Variants in IGSF11 observed in about 807,000 individuals in gnomAD.
The protein encoded by IGSF11 is immunoglobulin superfamily member 11.
In IGSF11, 22 loss-of-function variants were observed where a neutral mutation model predicts 41.0. That is an observed-to-expected ratio of 0.54 (90% CI 0.38 to 0.77). IGSF11 has a LOEUF of 0.77. IGSF11 is among the 30% of genes least tolerant of loss of function. IGSF11 has a pLI of 0.00. For missense variants in IGSF11, 444 were observed against 530.8 expected, an observed-to-expected ratio of 0.84 and a Z score of 1.61; for synonymous variants, 219 against 201.3, an observed-to-expected ratio of 1.09 and a Z score of -0.74.
chr3:119,140,724 C>T (rs368117189), intron 1 of IGSF11, among the ~76,000 whole-genome samples: 1 of 152,088 alleles, frequency 6.6e-6, no homozygotes, highest in South Asian at 2.1e-4. Context: ...TACCATAAAA[C>T]AAGCCTCAGT....
chr3:119,055,640 C>T (rs574965037), intron 1 of IGSF11, among the ~76,000 whole-genome samples: 2 of 152,344 alleles, frequency 1.3e-5, no homozygotes, highest in East Asian at 3.9e-4. Flanking sequence ...ATCTACAGAA[C>T]TCTCCACCCT....
intron 4 of IGSF11, among the ~76,000 whole-genome samples, chr3:118,925,234 C>T (rs566137008): frequency 6.6e-6 from 1 of 152,188 alleles, no homozygotes; most frequent in South Asian, 2.1e-4. Context: ...AATAATTTTA[C>T]TACAACTTAG....
rs1467789152 is a variant in IGSF11 at position 119,026,606 on chromosome 3, T to C, written c.52+7925A>G. 1.4e-4 allele frequency among the ~76,000 whole-genome samples: 21 copies of C among 150,400 alleles called. 1 individual carries two copies. Among genetic ancestry groups the C allele is most frequent in the Admixed American group, 1.4e-3 (21 of 15,064 alleles). On this transcript the variant is annotated intron_variant, in intron 1 of 6. Transcript: ENST00000393775. Reference sequence around the variant, plus strand: ...GTCTTCGCCATTATGTAGTCACAGTTAAAAAAAAAATCCAGTTTCATTAAA... The same window carrying C: ...GTCTTCGCCATTATGTAGTCACAGTCAAAAAAAAAATCCAGTTTCATTAAA...
chr3:118,974,741 A>G (rs2107624214), intron 1 of IGSF11, among the ~76,000 whole-genome samples: 1 of 152,096 alleles, frequency 6.6e-6, no homozygotes, highest in South Asian at 2.1e-4. Context: ...ATCTGGTGTG[A>G]GGTTTCCACC....
chr3:119,019,627 C>A lies in IGSF11; in HGVS notation c.52+14904G>T, dbSNP rs138518552. On this transcript the variant is annotated intron_variant, in intron 1 of 6. Transcript: ENST00000393775. ...CCCAGCCAGAGAAGGAAAGAGTTGCCCCTATAGCCACACCAAGTTCTCTGG... is the reference window on the plus strand; with the variant it reads ...CCCAGCCAGAGAAGGAAAGAGTTGCACCTATAGCCACACCAAGTTCTCTGG... Among the ~76,000 whole-genome samples, 541 of 152,028 alleles carry A rather than the reference C, an allele frequency of 3.6e-3. 3 individuals carry two copies. Among genetic ancestry groups the A allele is most frequent in the African/African-American group, 0.012 (498 of 41,442 alleles).
chr3:119,129,787 C>G (rs1010114310), intron 1 of IGSF11, among the ~76,000 whole-genome samples: 2 of 152,066 alleles, frequency 1.3e-5, no homozygotes, highest in African/African-American at 4.8e-5. Context: ...GAGTTCCAGA[C>G]CAGCTTGGAA....
chr3:119,034,501 CA>C, intron 1 of IGSF11, 29 bp downstream of exon 1: 1 of 1,537,882 alleles, frequency 6.5e-7, no homozygotes, highest in South Asian at 1.2e-5. Flanking sequence ...GGCCTGGCCC[CA>C]CCGGGAAGAA....
intron 1 of IGSF11, among the ~76,000 whole-genome samples, chr3:118,990,387 G>A (rs1654215821): frequency 6.6e-6 from 1 of 152,126 alleles, no homozygotes. Context: ...TGCATAATGT[G>A]CCTTACTTAA....
At chr3:119,023,099 T>C (rs1432926848) in intron 1 of IGSF11, among the ~76,000 whole-genome samples, 2 of 151,780 alleles carry the variant, frequency 1.3e-5, no homozygotes, top group Non-Finnish European at 2.9e-5. Context: ...CTGTCTCTAC[T>C]AAAAATACAT....
intron 1 of IGSF11, among the ~76,000 whole-genome samples, chr3:119,092,126 C>A (rs1268751222): frequency 6.6e-6 from 1 of 151,884 alleles, no homozygotes; most frequent in Non-Finnish European, 1.5e-5. Flanking sequence ...ATTTTCATGC[C>A]TCAGACTCCT....
At chr3:118,993,210 AG>A (rs1344563603) in intron 1 of IGSF11, among the ~76,000 whole-genome samples, 5 of 152,226 alleles carry the variant, frequency 3.3e-5, no homozygotes, top group Non-Finnish European at 5.9e-5. Flanking sequence ...CCTGGGCAAC[AG>A]AGCAAGATCC....
chr3:118,978,063 C>A (rs1934317251), intron 1 of IGSF11, among the ~76,000 whole-genome samples: 1 of 152,194 alleles, frequency 6.6e-6, no homozygotes, highest in African/African-American at 2.4e-5. Flanking sequence ...CAGCTGCCTG[C>A]CTATGGCTGC....
chr3:118,978,304 C>T (rs1404119976), intron 1 of IGSF11, among the ~76,000 whole-genome samples: 2 of 152,174 alleles, frequency 1.3e-5, no homozygotes, highest in African/African-American at 2.4e-5. Flanking sequence ...GCCCACCCAA[C>T]TGGTCACAGC....
chr3:118,911,560 A>T (rs946218129), intron 4 of IGSF11, among the ~76,000 whole-genome samples: 3 of 152,084 alleles, frequency 2.0e-5, no homozygotes, highest in African/African-American at 7.2e-5. Flanking sequence ...TGAGCCCAGG[A>T]GTGTGAGGTT....
At chr3:118,943,322 G>A (rs1222866820) in intron 1 of IGSF11, 2 of 152,152 alleles carry the variant, frequency 1.3e-5, no homozygotes, top group Non-Finnish European at 2.9e-5. Context: ...ACAAAACTTT[G>A]TGGAGCCTAG....
At chr3:119,021,202 A>G (rs1939251392) in intron 1 of IGSF11, among the ~76,000 whole-genome samples, 1 of 152,206 alleles carries the variant, frequency 6.6e-6, no homozygotes, top group Admixed American at 6.5e-5. Flanking sequence ...GGATTCAACA[A>G]TGTAAAAAGT....
chr3:118,986,076 G>A (rs1218037025), intron 1 of IGSF11, among the ~76,000 whole-genome samples: 1 of 152,142 alleles, frequency 6.6e-6, no homozygotes, highest in Non-Finnish European at 1.5e-5. Flanking sequence ...AGTTACACTT[G>A]TTAGGCAACT....
chr3:118,991,738 A>AT (rs920125991), intron 1 of IGSF11, among the ~76,000 whole-genome samples: 3 of 152,142 alleles, frequency 2.0e-5, no homozygotes, highest in African/African-American at 7.2e-5. Context: ...ATTAACTACC[A>AT]TTTTTTTAAT....
chr3:118,991,622 TTC>T (rs1935799160), intron 1 of IGSF11, among the ~76,000 whole-genome samples: 1 of 152,242 alleles, frequency 6.6e-6, no homozygotes, highest in South Asian at 2.1e-4. Flanking sequence ...CCACTTAATT[TTC>T]TTTCATAAAA....
Sources: allele counts gnomAD v4.1 joint callset (sites outside exome capture counted in the v4.1 genomes callset), GRCh38; gene constraint gnomAD v4.1.1; transcripts MANE v1.5; gene names NCBI Gene and HGNC (gene_info 2026-07-23, HGNC 2026-07-21).